Variants in SHPK observed in about 807,000 individuals in gnomAD.
SHPK encodes the protein sedoheptulokinase.
A neutral mutation model predicts 46.3 loss-of-function variants in SHPK; 51 were observed. The observed-to-expected ratio is 1.10, with a 90% CI of 0.88 to 1.39. The LOEUF (loss-of-function observed/expected upper bound fraction) is 1.39, where lower values mean the gene tolerates loss of function less well. SHPK is among the 40% of genes most tolerant of loss of function. The probability of loss-of-function intolerance (pLI) is 0.00; values close to 1 mark genes in which losing one functional copy is unlikely to be tolerated. For synonymous variants in SHPK, 290 were observed against 273.9 expected (o/e 1.06, Z -0.58); for missense variants, 668 against 641.3 (o/e 1.04, Z -0.45).
intron 3 of SHPK, among the ~76,000 whole-genome samples, 161 bp downstream of exon 3, chr17:3,623,887 G>A (rs1173312962): frequency 6.6e-6 from 1 of 152,200 alleles, no homozygotes; most frequent in African/African-American, 2.4e-5. Context: ...AAAAGGACGT[G>A]GTTCTGGACC....
At chr17:3,616,713 A>G (rs1424914326) in intron 5 of SHPK, among the ~76,000 whole-genome samples, 1 of 152,094 alleles carries the variant, frequency 6.6e-6, no homozygotes, top group Non-Finnish European at 1.5e-5. Context: ...GCTCATTTCC[A>G]AAGTATTCTT....
In SHPK at chr17:3,623,279, C is replaced by G. The variant is rs189844659; in HGVS notation, c.647+60G>C. On this transcript the variant is annotated intron_variant, in intron 4 of 6. Transcript: ENST00000225519. The stretch of plus-strand genomic sequence containing the variant: ...GGGAAAGCACCCACTGAAGCACTGG[C>G]TCCGGGGTTGCCCTTCAGATTGGAG... The G allele has an allele frequency of 1.5e-4, 235 of 1,592,526 alleles. 3 individuals are homozygous for G. The East Asian group carries it at 3.7e-3, about 25-fold the overall frequency.
chr17:3,619,482 C>A (rs2079649764), intron 5 of SHPK: 1 of 971,976 alleles, frequency 1.0e-6, no homozygotes. Context: ...CACCTGTAAT[C>A]CCAGCACTTT....
At chr17:3,627,621 C>T (rs2075445684) in intron 2 of SHPK, among the ~76,000 whole-genome samples, 1 of 151,962 alleles carries the variant, frequency 6.6e-6, no homozygotes, top group South Asian at 2.1e-4. Flanking sequence ...GGCTTTCCTC[C>T]TTCCCAGAAA....
intron 1 of SHPK, among the ~76,000 whole-genome samples, chr17:3,630,826 G>A (rs945478707): frequency 3.9e-5 from 6 of 152,026 alleles, no homozygotes; most frequent in Non-Finnish European, 5.9e-5. Flanking sequence ...ATCACGCCAC[G>A]GCACTCCAGC....
chr17:3,613,715 AG>A (rs1186157002), intron 6 of SHPK, among the ~76,000 whole-genome samples: 8 of 152,276 alleles, frequency 5.3e-5, no homozygotes, highest in African/African-American at 1.9e-4. Flanking sequence ...GTAAAAGTTC[AG>A]GAAAAAAAGT....
At position 3,610,401 on chromosome 17, in the gene SHPK, T is replaced by G. The variant is rs1211376281; in HGVS notation, c.*159A>C. ...GGCTCCTGGCTGCATTATTAGAGTA[T>G]GTTCTGAAGGTAAGTTCTTGGCCGA... On this transcript the variant is annotated 3_prime_UTR_variant, in exon 7 of 7. Coordinates refer to ENST00000225519, the MANE Select transcript of SHPK (RefSeq NM_013276.4). 19 of 738,524 alleles carry G rather than the reference T, an allele frequency of 2.6e-5. No individual in the cohort carries two copies. The East Asian group carries it at 5.0e-4, about 19-fold the overall frequency. 45.7% of individuals were successfully genotyped at this position (738,524 alleles called of 1,614,324 possible).
chr17:3,619,789 C>A (rs557658577), intron 5 of SHPK: 5 of 450,174 alleles, frequency 1.1e-5, no homozygotes, highest in African/African-American at 8.5e-5. Flanking sequence ...CTCTCTCTCA[C>A]TTAATTCTGA....
intron 1 of SHPK, among the ~76,000 whole-genome samples, chr17:3,634,194 T>A (rs150907): frequency 1 from 144,351 of 144,666 alleles, 72,020 homozygotes; most frequent in Middle Eastern, 1. Flanking sequence ...TTATCTGCTG[T>A]CCTTCCCTCC....
rs1567684886 is a variant in SHPK, at chr17:3,624,203, G to C, written c.339C>G (p.Thr113=). 6.2e-7 allele frequency: 1 copy of C among 1,613,494 alleles called. No homozygotes were observed. The highest frequency in any genetic ancestry group is 8.5e-7 in the Non-Finnish European group (1 of 1,179,508). The part of the protein sequence containing the change: ...QGCEWTEGGI[T]PVFEPRAVSH... The stretch of plus-strand genomic sequence containing the variant: ...TAACAGCTCGGGGCTCGAACACCGG[G>C]GTAATCCCTCCCTCTGTCCATTCAC... The change falls in exon 3 of 7, where the codon ACC becomes ACG. Residue 113 remains threonine, a synonymous_variant. Coordinates refer to ENST00000225519, the MANE Select transcript of SHPK (RefSeq NM_013276.4).
rs1277223145 is a variant in SHPK, at chr17:3,621,352, C to T, written c.708G>A (p.Val236=). The change falls in exon 5 of 7, where the codon GTG becomes GTA. Residue 236 remains valine, a synonymous_variant. Coordinates refer to ENST00000225519, the MANE Select transcript of SHPK (RefSeq NM_013276.4). ...ACCACATGTGGGAAGTTCTGCCCGC[C>T]ACACTGCCAGGCTCGGCGATGTCTG... The part of the protein sequence containing the change: ...LLPDIAEPGS[V]AGRTSHMWFE... The T allele has an allele frequency of 6.2e-7, 1 of 1,614,182 alleles. No homozygotes were observed.
Position 3,615,374 on chromosome 17 carries a change from C to A in SHPK, c.987G>T (p.Thr329=), listed in dbSNP as rs767048270. Residue 329 remains threonine, a synonymous_variant, in exon 6 of 7, where the codon ACG becomes ACT. Coordinates refer to ENST00000225519, the MANE Select transcript of SHPK (RefSeq NM_013276.4). ...TCCACTGAACCAGCATGTGGACGAA[C>A]GTGGCCAGCACATTGCCCCCGTTGA... ...ASLNGGNVLA[T]FVHMLVQWMA... is the part of the protein sequence containing the mutation. 1.5e-5 allele frequency: 24 copies of A among 1,614,090 alleles called. 1 individual carries two copies. The highest frequency in any genetic ancestry group is 1.9e-5 in the Non-Finnish European group (23 of 1,180,046).
At position 3,633,916 on chromosome 17, in the gene SHPK, C is replaced by G. The variant is rs111778836; in HGVS notation, c.168+2136G>C. On this transcript the variant is annotated intron_variant, in intron 1 of 6. Transcript: ENST00000225519. ...ACATGGGAGACTTTTCATTTTGTTCCGTACTAAGAAAAATTCTTCTGCCTT... is the reference window on the plus strand; with the variant it reads ...ACATGGGAGACTTTTCATTTTGTTCGGTACTAAGAAAAATTCTTCTGCCTT... Among the ~76,000 whole-genome samples the G allele has an allele frequency of 2.7e-5, 4 of 150,896 alleles. No homozygotes were observed. The South Asian group carries it at 8.5e-4, about 32-fold the overall frequency.
chr17:3,615,210 G>A (rs1192446231), intron 6 of SHPK, 127 bp downstream of exon 6: 4 of 830,756 alleles, frequency 4.8e-6, no homozygotes, highest in Non-Finnish European at 5.8e-6. Flanking sequence ...AAATATGCCA[G>A]GACCTGGCAG....
Position 3,630,317 on chromosome 17 carries a change from G to A in SHPK, c.198C>T (p.Leu66=). The A allele has an allele frequency of 6.2e-7, 1 of 1,613,142 alleles. No individual in the cohort carries two copies. Residue 66 remains leucine (L), a synonymous_variant, in exon 2 of 7, where the codon CTC becomes CTT. Transcript: ENST00000225519. Reference sequence around the variant, plus strand: ...CAGCAAGGCACTCGTGTAGGGCTTGGAGGATTCTACTCACATCCTGCTCCC... The same window carrying A: ...CAGCAAGGCACTCGTGTAGGGCTTGAAGGATTCTACTCACATCCTGCTCCC... The part of the protein sequence containing the change: ...QGREQDVSRI[L]QALHECLAAL...
chr17:3,625,832 C>G (rs529123687), intron 2 of SHPK, among the ~76,000 whole-genome samples: 17 of 152,188 alleles, frequency 1.1e-4, no homozygotes, highest in African/African-American at 3.9e-4. Flanking sequence ...GTGGGCGGAT[C>G]ACCTGAGGTG....
chr17:3,632,703 G>A (rs1011259849), intron 1 of SHPK, among the ~76,000 whole-genome samples: 6 of 152,062 alleles, frequency 3.9e-5, no homozygotes, highest in Non-Finnish European at 7.4e-5. Flanking sequence ...TCGAATCCTC[G>A]CGCTTTAGAC....
At chr17:3,618,452 A>G (rs2075380503) in intron 5 of SHPK, among the ~76,000 whole-genome samples, 1 of 152,092 alleles carries the variant, frequency 6.6e-6, no homozygotes, top group Non-Finnish European at 1.5e-5. Context: ...CCAACATTCA[A>G]TCCTTTTTTA....
intron 2 of SHPK, among the ~76,000 whole-genome samples, chr17:3,626,599 G>T (rs2075439080): frequency 6.6e-6 from 1 of 151,990 alleles, no homozygotes; most frequent in South Asian, 2.1e-4. Context: ...GCGGGTACCT[G>T]TAGTCCCAGC....
Sources: allele counts gnomAD v4.1 joint callset (sites outside exome capture counted in the v4.1 genomes callset), GRCh38; gene constraint gnomAD v4.1.1; transcripts MANE v1.5; gene names NCBI Gene and HGNC (gene_info 2026-07-23, HGNC 2026-07-21).